INPP5B: variants seen among roughly 807,000 people sequenced by gnomAD.
The protein encoded by INPP5B is type II inositol 1,4,5-trisphosphate 5-phosphatase.
A neutral mutation model predicts 118.5 loss-of-function variants in INPP5B; 90 were observed. The observed-to-expected ratio is 0.76, with a 90% CI of 0.64 to 0.90. INPP5B has a LOEUF of 0.90. Ranked by LOEUF, INPP5B falls within the 40% of genes least tolerant of loss-of-function variation. The pLI is 0.00. For missense variants in INPP5B, 984 were observed against 1,125.6 expected (o/e 0.87, Z 1.80); for synonymous variants, 385 against 418.9 (o/e 0.92, Z 0.99).
intron 2 of INPP5B, 139 bp downstream of exon 2, chr1:37,946,113 T>A: frequency 1.2e-6 from 1 of 826,276 alleles, no homozygotes; most frequent in Non-Finnish European, 2.0e-6. Flanking sequence ...CAGGACTCAG[T>A]AAGTACTTAG....
Position 37,861,390 on chromosome 1 carries a change from A to G in INPP5B, c.*925T>C, listed in dbSNP as rs899039858. On this transcript the variant is annotated 3_prime_UTR_variant, in exon 24 of 24. Transcript: ENST00000373024. ...ATGGGGATCTCAGCCCAGACTGACT[A>G]TGCCCTGGAGGTAGGGTGAGTGAGT... 1 of 152,228 alleles carries G rather than the reference A, an allele frequency of 6.6e-6. No homozygotes were observed. Among genetic ancestry groups the G allele is most frequent in the African/African-American group, 2.4e-5 (1 of 41,440 alleles). 9.4% of individuals were successfully genotyped at this position (152,228 alleles called of 1,614,324 possible).
At chr1:37,933,904 TTTA>T (rs1557720589) in intron 6 of INPP5B, among the ~76,000 whole-genome samples, 23 of 14,118 alleles carry the variant, frequency 1.6e-3, no homozygotes, top group Admixed American at 3.5e-3. Context: ...TTTTATTTTA[TTTA>T]TTTATTTATT....
In INPP5B at chr1:37,861,412, G is replaced by C. The variant is rs1641686537; in HGVS notation, c.*903C>G. ...ACTATGCCCTGGAGGTAGGGTGAGT[G>C]AGTACAAGTACAGTTATTTAAAAAC... On this transcript the variant is annotated 3_prime_UTR_variant, in exon 24 of 24. Transcript: ENST00000373024. 6.6e-6 allele frequency: 1 copy of C among 152,260 alleles called. No homozygotes were observed. The highest frequency in any genetic ancestry group is 2.1e-4 in the South Asian group (1 of 4,832). The allele number at this position is 152,260 out of a possible 1,614,324, so 9.4% of individuals were successfully genotyped here. A position where few individuals can be genotyped will look rare whatever the true frequency, so the allele number is the denominator to read the frequency against.
In INPP5B at chr1:37,891,460, G is replaced by T; in HGVS notation, c.533-6C>A. 1 of 1,597,942 alleles carries T rather than the reference G, an allele frequency of 6.3e-7. No individual in the cohort carries two copies. The highest frequency in any genetic ancestry group is 8.6e-7 in the Non-Finnish European group (1 of 1,165,604). On this transcript the variant is annotated splice_polypyrimidine_tract_variant and splice_region_variant and intron_variant, in intron 7 of 23. Coordinates refer to ENST00000373024, the MANE Select transcript of INPP5B (RefSeq NM_005540.3). ...ACCATCAAAGTTAGAACCACCTAAA[G>T]GGAAGGAGAAGAAATTAAAATATAC...
At chr1:37,944,016 C>G in intron 3 of INPP5B, 123 bp from the exon 4 acceptor site, 1 of 704,896 alleles carries the variant, frequency 1.4e-6, no homozygotes, top group Non-Finnish European at 2.6e-6. Context: ...GGTGCCCTGG[C>G]TAGGCACACT....
intron 7 of INPP5B, among the ~76,000 whole-genome samples, chr1:37,911,552 T>C (rs1172277454): frequency 6.6e-6 from 1 of 152,180 alleles, no homozygotes; most frequent in Non-Finnish European, 1.5e-5. Context: ...TTCACATCTA[T>C]CATTGAGGCT....
chr1:37,940,498 A>G (rs1321202470), intron 6 of INPP5B, among the ~76,000 whole-genome samples, 190 bp downstream of exon 6: 2 of 152,232 alleles, frequency 1.3e-5, no homozygotes, highest in Admixed American at 6.5e-5. Flanking sequence ...ACTCAACTCC[A>G]GAAACTGTAA....
intron 7 of INPP5B, among the ~76,000 whole-genome samples, chr1:37,916,236 G>C (rs936207865): frequency 6.6e-6 from 1 of 151,722 alleles, no homozygotes; most frequent in Non-Finnish European, 1.5e-5. Context: ...TAGGATTACA[G>C]GCACCCACCA....
At chr1:37,932,363 CTTTTTTTTT>C (rs58150703) in intron 6 of INPP5B, among the ~76,000 whole-genome samples, 7 of 87,812 alleles carry the variant, frequency 8.0e-5, no homozygotes, top group Non-Finnish European at 1.1e-4. Context: ...CTTTTCTTTT[CTTTTTTTTT>C]TTTTTTTTTT....
At chr1:37,943,728 C>T (rs541014089) in intron 4 of INPP5B, 59 bp from the exon 5 acceptor site, 4 of 1,611,512 alleles carry the variant, frequency 2.5e-6, no homozygotes, top group East Asian at 2.2e-5. Context: ...CTTGCCCCCC[C>T]ATCAAGGACA....
At chr1:37,928,526 T>A (rs1419112199) in intron 7 of INPP5B, 1 of 151,962 alleles carries the variant, frequency 6.6e-6, no homozygotes, top group Non-Finnish European at 1.5e-5. Flanking sequence ...GCCCAGTTAA[T>A]TTTTTTTGTA....
intron 7 of INPP5B, chr1:37,931,417 G>A (rs999395396): frequency 1.3e-6 from 2 of 1,508,624 alleles, no homozygotes; most frequent in South Asian, 1.2e-5. Context: ...AGCGAGTTCG[G>A]AACGGAGCTT....
chr1:37,881,562 TA>T (rs1643200615), intron 14 of INPP5B, among the ~76,000 whole-genome samples: 1 of 152,098 alleles, frequency 6.6e-6, no homozygotes, highest in Non-Finnish European at 1.5e-5. Flanking sequence ...CAGAAAATAG[TA>T]AAAATGTAGG....
chr1:37,896,423 G>A (rs1166198631), intron 7 of INPP5B, among the ~76,000 whole-genome samples: 16 of 150,378 alleles, frequency 1.1e-4, no homozygotes, highest in African/African-American at 3.5e-4. Flanking sequence ...GAGGGAGGTG[G>A]GGGGGTCAGC....
At chr1:37,902,697 A>G (rs1356462067) in intron 7 of INPP5B, among the ~76,000 whole-genome samples, 1 of 152,154 alleles carries the variant, frequency 6.6e-6, no homozygotes, top group African/African-American at 2.4e-5. Context: ...ATCTGGGATT[A>G]CAGGCATGTG....
intron 12 of INPP5B, among the ~76,000 whole-genome samples, chr1:37,886,090 C>T (rs149623151): frequency 2.0e-3 from 308 of 151,936 alleles, no homozygotes; most frequent in African/African-American, 7.2e-3. Context: ...AGGCAGAGCA[C>T]TGGTTGAACG....
intron 7 of INPP5B, chr1:37,928,707 C>A (rs1483594362): frequency 1.3e-5 from 2 of 151,908 alleles, no homozygotes; most frequent in Non-Finnish European, 1.5e-5. Flanking sequence ...TGTTGCCCAG[C>A]CTGGTCTTGA....
chr1:37,883,909 T>C (rs888994044), intron 13 of INPP5B: 3 of 939,360 alleles, frequency 3.2e-6, no homozygotes, highest in Non-Finnish European at 2.5e-6. Context: ...AAGTCTAAAA[T>C]TCTAAGGCTT....
intron 12 of INPP5B, 105 bp from the exon 13 acceptor site, chr1:37,885,930 A>C: frequency 1.9e-6 from 2 of 1,027,136 alleles, no homozygotes; most frequent in South Asian, 2.9e-5. Flanking sequence ...CTGTAATCCC[A>C]GCACTTTGGG....
Sources: gnomAD v4.1 joint callset for allele counts (sites outside exome capture counted in the v4.1 genomes callset) on GRCh38, gnomAD v4.1.1 for gene constraint, MANE v1.5 for transcripts, NCBI Gene and HGNC (gene_info 2026-07-23, HGNC 2026-07-21) for gene names.